Variants in KIF13A observed in about 807,000 individuals in gnomAD.
KIF13A encodes kinesin-like protein KIF13A.
A neutral mutation model predicts 212.2 loss-of-function variants in KIF13A; 79 were observed. The observed-to-expected ratio is 0.37, with a 90% CI of 0.31 to 0.45. The LOEUF is 0.45. KIF13A is among the 20% of genes least tolerant of loss of function. The probability of loss-of-function intolerance (pLI) is 1.00; values close to 1 mark genes in which losing one functional copy is unlikely to be tolerated. For synonymous variants in KIF13A, 789 were observed against 808.6 expected (o/e 0.98, Z 0.41); for missense variants, 1,901 against 2,209.0 (o/e 0.86, Z 2.79).
chr6:17,771,481 C>A lies in KIF13A; in HGVS notation c.4477-263G>T, dbSNP rs1759488087. 1 of 438,924 alleles carries A rather than the reference C, an allele frequency of 2.3e-6. No individual in the cohort carries two copies. The highest frequency in any genetic ancestry group is 4.0e-6 in the Non-Finnish European group (1 of 247,044). 27.2% of individuals were successfully genotyped at this position (438,924 alleles called of 1,614,324 possible). On this transcript the variant is annotated intron_variant, in intron 37 of 38. Transcript: ENST00000259711. The surrounding 1 kb of genome is among the most constrained non-coding windows in gnomAD (Gnocchi z 5.4). ...ACGGCTCATGCCTGCAATCCCAGTG[C>A]CTTGGGAGGCTGGGGCAAAAGAATC...
In KIF13A at chr6:17,783,511, G is replaced by A; in HGVS notation, c.3544+135C>T. 1.5e-6 allele frequency: 1 copy of A among 684,610 alleles called. No individual in the cohort carries two copies. The highest frequency in any genetic ancestry group is 1.8e-5 in the African/African-American group (1 of 55,822). The allele number at this position is 684,610 out of a possible 1,614,324, so 42.4% of individuals were successfully genotyped here. On this transcript the variant is annotated intron_variant, in intron 29 of 38. Transcript: ENST00000259711. The surrounding 1 kb of genome is among the most constrained non-coding windows in gnomAD (Gnocchi z 4.3). ...CATATCATGCTTATATACGTTTAATGAGAACAAAAATGTCACCCAATTTGG... is the reference window on the plus strand; with the variant it reads ...CATATCATGCTTATATACGTTTAATAAGAACAAAAATGTCACCCAATTTGG...
At chr6:17,938,897 A>G (rs774488076) in intron 2 of KIF13A, among the ~76,000 whole-genome samples, 1 of 150,152 alleles carries the variant, frequency 6.7e-6, no homozygotes, top group Non-Finnish European at 1.5e-5. Context: ...TTATGTATTC[A>G]TTCTACAAAA....
At chr6:17,917,042 C>A (rs1053862980) in intron 2 of KIF13A, among the ~76,000 whole-genome samples, 2 of 148,066 alleles carry the variant, frequency 1.4e-5, no homozygotes, top group Admixed American at 6.7e-5. Flanking sequence ...AAAAAAAATT[C>A]CCCACTAGAC....
chr6:17,817,176 C>A lies in KIF13A; in HGVS notation c.1844G>T (p.Ser615Ile). 1 of 1,614,082 alleles carries A rather than the reference C, an allele frequency of 6.2e-7. No homozygotes were observed. The highest frequency in any genetic ancestry group is 8.5e-7 in the Non-Finnish European group (1 of 1,179,902). ...LEKQYLEEKR[S>I]ALEEQRLMYE... is the part of the protein sequence containing the mutation. ...CATGAGCCGCTGCTCCTCTAGGGCA[C>A]TTCTCTTTTCTTCTAGGTATTGTTT... Residue 615 changes from serine to isoleucine, a missense_variant, in exon 17 of 39, where the codon AGT (serine) becomes ATT (isoleucine). Around this residue, in one of 5 missense-constraint regions of KIF13A, gnomAD observed 534 missense variants for 536.9 expected, o/e 0.99. Transcript: ENST00000259711.
intron 9 of KIF13A, among the ~76,000 whole-genome samples, chr6:17,844,803 A>T (rs1470632627): frequency 6.6e-6 from 1 of 152,242 alleles, no homozygotes; most frequent in Non-Finnish European, 1.5e-5. Context: ...TAAATTAAGA[A>T]GGACACCCAC....
rs573449574 is a variant in KIF13A at position 17,805,370 on chromosome 6, C to T, written c.2304+105G>A. The stretch of plus-strand genomic sequence containing the variant: ...ATCTAACGTATCATGAGCACATCTC[C>T]GTGTGTGTGTGTGTGTGTGTGTGTG... On this transcript the variant is annotated intron_variant, in intron 19 of 38. Coordinates refer to ENST00000259711, the MANE Select transcript of KIF13A (RefSeq NM_022113.6). The T allele has an allele frequency of 4.2e-5, 31 of 738,412 alleles. No individual in the cohort carries two copies. The Admixed American group carries it at 5.7e-4, about 14-fold the overall frequency. The allele number at this position is 738,412 out of a possible 1,614,324, so 45.7% of individuals were successfully genotyped here. A position where few individuals can be genotyped will look rare whatever the true frequency, so the allele number is the denominator to read the frequency against.
At chr6:17,791,017 G>A (rs1252465563) in intron 25 of KIF13A, among the ~76,000 whole-genome samples, 2 of 151,468 alleles carry the variant, frequency 1.3e-5, no homozygotes, top group African/African-American at 4.9e-5. Flanking sequence ...TTATAAACGA[G>A]AACCTAGAAT....
At chr6:17,865,036 G>A (rs1308513013) in intron 4 of KIF13A, among the ~76,000 whole-genome samples, 1 of 152,204 alleles carries the variant, frequency 6.6e-6, no homozygotes, top group East Asian at 1.9e-4. Context: ...AGTGGGCTGT[G>A]TTCTAGAAAG....
intron 2 of KIF13A, among the ~76,000 whole-genome samples, chr6:17,956,659 G>A (rs775512138): frequency 3.9e-5 from 6 of 152,120 alleles, no homozygotes; most frequent in Non-Finnish European, 7.4e-5. Flanking sequence ...GGGTGCTTTA[G>A]GTCTCAGGAG....
At chr6:17,935,441 A>C (rs970481407) in intron 2 of KIF13A, among the ~76,000 whole-genome samples, 1 of 152,082 alleles carries the variant, frequency 6.6e-6, no homozygotes, top group African/African-American at 2.4e-5. Context: ...GAAAAACGAC[A>C]CATCCTGCGC....
intron 25 of KIF13A, among the ~76,000 whole-genome samples, chr6:17,793,052 AT>A (rs746108353): frequency 3.3e-4 from 50 of 150,820 alleles, no homozygotes; most frequent in Non-Finnish European, 3.1e-4. Flanking sequence ...AAGCACACAC[AT>A]TTTTTTTTAG....
chr6:17,867,178 C>T (rs1214503011), intron 4 of KIF13A, among the ~76,000 whole-genome samples: 1 of 151,588 alleles, frequency 6.6e-6, no homozygotes, highest in Non-Finnish European at 1.5e-5. Flanking sequence ...ATTTAATTAA[C>T]AAATGCAAAA....
chr6:17,791,108 CTT>C (rs75867605), intron 25 of KIF13A, among the ~76,000 whole-genome samples: 29 of 137,112 alleles, frequency 2.1e-4, no homozygotes, highest in Admixed American at 3.0e-4. Context: ...AAATGAACTG[CTT>C]TTTTTTTTTT....
chr6:17,954,609 A>G (rs1350598228), intron 2 of KIF13A, among the ~76,000 whole-genome samples: 2 of 152,172 alleles, frequency 1.3e-5, no homozygotes, highest in African/African-American at 2.4e-5. Flanking sequence ...TTCCTTTATA[A>G]GACATTTTCA....
At chr6:17,863,433 A>G (rs577940638) in intron 4 of KIF13A, among the ~76,000 whole-genome samples, 4 of 151,396 alleles carry the variant, frequency 2.6e-5, no homozygotes, top group African/African-American at 7.3e-5. Context: ...ATAAAAAACT[A>G]TATCAGCAAA....
At chr6:17,862,687 A>G (rs533462131) in intron 4 of KIF13A, among the ~76,000 whole-genome samples, 4 of 152,044 alleles carry the variant, frequency 2.6e-5, no homozygotes, top group Middle Eastern at 3.4e-3. Context: ...GGTGGTTCAT[A>G]CCTGTAATCC....
intron 18 of KIF13A, among the ~76,000 whole-genome samples, chr6:17,806,678 G>A (rs781196472): frequency 3.3e-5 from 5 of 152,066 alleles, no homozygotes; most frequent in Non-Finnish European, 5.9e-5. Context: ...TCAGGAGTTC[G>A]AGACCAGCCT....
chr6:17,864,310 A>G (rs918483496), intron 4 of KIF13A, among the ~76,000 whole-genome samples: 1 of 152,178 alleles, frequency 6.6e-6, no homozygotes, highest in Non-Finnish European at 1.5e-5. Flanking sequence ...CACAATGCCA[A>G]TTTCCTCTGG....
chr6:17,912,990 T>C lies in KIF13A; in HGVS notation c.147-14810A>G, dbSNP rs1774203585. On this transcript the variant is annotated intron_variant, in intron 2 of 38. Coordinates refer to ENST00000259711, the MANE Select transcript of KIF13A (RefSeq NM_022113.6). The surrounding 1 kb of genome is among the most constrained non-coding windows in gnomAD (Gnocchi z 4.2). ...TTATACGAGATAGGGTCTCACTATA[T>C]TGCTCAGGCTGGTCTTGAACTCCTG... is the stretch of plus-strand genomic sequence containing the variant. 6.6e-6 allele frequency among the ~76,000 whole-genome samples: 1 copy of C among 151,912 alleles called. No individual in the cohort carries two copies. The highest frequency in any genetic ancestry group is 1.5e-5 in the Non-Finnish European group (1 of 67,970).
Sources: allele counts gnomAD v4.1 joint callset (sites outside exome capture counted in the v4.1 genomes callset), GRCh38; gene constraint gnomAD v4.1.1; regional missense constraint gnomAD v4.1.1; non-coding constraint Gnocchi (gnomAD v3.1); transcripts MANE v1.5; gene names NCBI Gene and HGNC (gene_info 2026-07-23, HGNC 2026-07-21).